CDH23: variants seen among roughly 807,000 people sequenced by gnomAD.
The protein encoded by CDH23 is cadherin-23.
Under a neutral mutation model 317.1 loss-of-function variants are expected in CDH23, and 189 were observed. The ratio of observed to expected loss-of-function variants is 0.60; its 90% CI spans 0.53 to 0.67. CDH23 has a LOEUF of 0.67. Ranked by LOEUF, CDH23 falls within the 30% of genes least tolerant of loss-of-function variation. CDH23 has a pLI of 0.00. For synonymous variants in CDH23, 1,839 were observed against 1,876.8 expected (o/e 0.98, Z 0.52); for missense variants, 4,401 against 4,592.4 (o/e 0.96, Z 1.20).
At chr10:71,441,254 C>G (rs999193604) in intron 2 of CDH23, among the ~76,000 whole-genome samples, 4 of 152,276 alleles carry the variant, frequency 2.6e-5, no homozygotes, top group Admixed American at 2.0e-4. Context: ...CCCGCTCCCC[C>G]CCTGCCTCAT....
At chr10:71,510,809 T>G (rs553812597) in intron 4 of CDH23, 145 bp from the exon 5 acceptor site, 1 of 721,142 alleles carries the variant, frequency 1.4e-6, no homozygotes, top group African/African-American at 1.8e-5. Context: ...AGGGCAATGC[T>G]GGTATTTTAG....
chr10:71,752,201 G>T (rs952312985), intron 38 of CDH23: 22 of 436,654 alleles, frequency 5.0e-5, no homozygotes, highest in South Asian at 4.1e-4. Flanking sequence ...GTTTCTCTTT[G>T]GTCAATAGAG....
In CDH23 at chr10:71,740,859, A is replaced by C; in HGVS notation, c.4526A>C (p.Lys1509Thr). The change falls in exon 37 of 70, where the codon AAG (lysine) becomes ACG (threonine). Residue 1509 changes from lysine (K) to threonine (T), a missense_variant. By Grantham distance (78) the Lys-to-Thr change is moderately conservative (BLOSUM62 -1). Transcript: ENST00000224721. ...GACCGAGGCACCCCTCCACGGAAGA[A>C]GGACCACATCCTGCAGGTGACCATC... is the stretch of plus-strand genomic sequence containing the variant. ...ASDRGTPPRK[K>T]DHILQVTILD... is the part of the protein sequence containing the mutation. 6.2e-7 allele frequency: 1 copy of C among 1,613,904 alleles called. No homozygotes were observed. The highest frequency in any genetic ancestry group is 8.5e-7 in the Non-Finnish European group (1 of 1,179,888).
intron 6 of CDH23, among the ~76,000 whole-genome samples, chr10:71,552,753 T>C (rs1856668313): frequency 6.6e-6 from 1 of 152,136 alleles, no homozygotes; most frequent in Non-Finnish European, 1.5e-5. Context: ...CTTTGATTCT[T>C]GTCCAGAATC....
chr10:71,533,574 CT>C (rs1855538737), intron 6 of CDH23, among the ~76,000 whole-genome samples: 2 of 147,952 alleles, frequency 1.4e-5, no homozygotes, highest in African/African-American at 5.0e-5. Flanking sequence ...CACACACTGG[CT>C]GGGGCTGCAG....
intron 1 of CDH23, among the ~76,000 whole-genome samples, chr10:71,428,110 C>G (rs567481428): frequency 2.6e-5 from 4 of 151,280 alleles, no homozygotes; most frequent in Admixed American, 2.6e-4. Flanking sequence ...AACTTTTGCA[C>G]ATGCTCACCA....
At chr10:71,742,094 A>G (rs1839752427) in intron 38 of CDH23, 173 bp downstream of exon 38, 2 of 636,098 alleles carry the variant, frequency 3.1e-6, no homozygotes, top group Admixed American at 5.9e-5. Flanking sequence ...CCCCTTACGG[A>G]GGCCTGTTGC....
intron 48 of CDH23, 80 bp from the exon 49 acceptor site, chr10:71,797,024 G>T: frequency 2.3e-6 from 2 of 851,614 alleles, no homozygotes; most frequent in East Asian, 5.4e-5. Flanking sequence ...GATTGGGAGG[G>T]TTTGGCCAGG....
intron 27 of CDH23, among the ~76,000 whole-genome samples, chr10:71,711,011 G>T (rs570628044): frequency 6.6e-6 from 1 of 152,154 alleles, no homozygotes; most frequent in Non-Finnish European, 1.5e-5. Context: ...CAGGAAGTTT[G>T]CAGTGAGCTG....
In CDH23 at chr10:71,815,669, CAAGG is replaced by C; in HGVS notation, c.*392_*395del. On this transcript the variant is annotated 3_prime_UTR_variant, in exon 70 of 70. Transcript: ENST00000224721. ...ACCATCCCCTCCGGCTAAGCAGGCG[CAAGG>C]GAGGCCCAGCGCGGACATCCCCTGC... The C allele has an allele frequency of 5.7e-6, 1 of 175,644 alleles. No individual in the cohort carries two copies. The highest frequency in any genetic ancestry group is 1.2e-5 in the Non-Finnish European group (1 of 82,974). 10.9% of individuals were successfully genotyped at this position (175,644 alleles called of 1,614,324 possible).
At chr10:71,659,401 A>G (rs954371209) in intron 14 of CDH23, among the ~76,000 whole-genome samples, 1 of 152,216 alleles carries the variant, frequency 6.6e-6, no homozygotes, top group African/African-American at 2.4e-5. Flanking sequence ...GAGAAAGCCT[A>G]GAGCAGCAGG....
At chr10:71,504,091 C>A (rs1206292403) in intron 3 of CDH23, among the ~76,000 whole-genome samples, 2 of 151,962 alleles carry the variant, frequency 1.3e-5, no homozygotes, top group Non-Finnish European at 2.9e-5. Context: ...GCCATCTTAG[C>A]CATTTTTAAG....
chr10:71,608,563 A>T (rs1860667349), intron 9 of CDH23, among the ~76,000 whole-genome samples: 1 of 152,154 alleles, frequency 6.6e-6, no homozygotes, highest in African/African-American at 2.4e-5. Context: ...GACCCTTTGG[A>T]ATTGCTGCAG....
intron 38 of CDH23, among the ~76,000 whole-genome samples, chr10:71,765,655 G>A (rs1205558561): frequency 6.6e-6 from 1 of 152,174 alleles, no homozygotes; most frequent in Non-Finnish European, 1.5e-5. Context: ...GCGGGTGGGT[G>A]CATCAGAGAG....
chr10:71,608,344 G>A (rs982779497), intron 9 of CDH23, among the ~76,000 whole-genome samples: 4 of 152,294 alleles, frequency 2.6e-5, no homozygotes, highest in Non-Finnish European at 5.9e-5. Flanking sequence ...CAAGTCAGAG[G>A]CCACAGTGGA....
intron 6 of CDH23, among the ~76,000 whole-genome samples, chr10:71,550,332 G>A (rs558066244): frequency 2.4e-4 from 37 of 152,088 alleles, no homozygotes; most frequent in Admixed American, 9.2e-4. Flanking sequence ...GTCGGGGATC[G>A]CTTGAGGCCA....
intron 2 of CDH23, among the ~76,000 whole-genome samples, chr10:71,443,624 C>G (rs919267720): frequency 6.6e-6 from 1 of 152,238 alleles, no homozygotes; most frequent in African/African-American, 2.4e-5. Flanking sequence ...GCAGTGCTCA[C>G]AAGCCACAGA....
At chr10:71,438,234 TC>T (rs1359493552) in intron 1 of CDH23, among the ~76,000 whole-genome samples, 2 of 68,320 alleles carry the variant, frequency 2.9e-5, no homozygotes, top group East Asian at 4.6e-4. Context: ...TCCCAGCTAC[TC>T]GGGGGGGCTG....
chr10:71,675,554 G>A (rs1353858727), intron 15 of CDH23, among the ~76,000 whole-genome samples: 1 of 152,220 alleles, frequency 6.6e-6, no homozygotes, highest in Non-Finnish European at 1.5e-5. Context: ...GCATTGTCTT[G>A]TGTCATCCTC....
Sources: gnomAD v4.1 joint callset for allele counts (sites outside exome capture counted in the v4.1 genomes callset) on GRCh38, gnomAD v4.1.1 for gene constraint, MANE v1.5 for transcripts, NCBI Gene and HGNC (gene_info 2026-07-23, HGNC 2026-07-21) for gene names.